GRK5: variants seen among roughly 807,000 people sequenced by gnomAD.
GRK5 encodes G protein-coupled receptor kinase 5.
In GRK5, 40 loss-of-function variants were observed where a neutral mutation model predicts 78.4. The observed-to-expected ratio is 0.51, with a 90% confidence interval of 0.40 to 0.66. The LOEUF is 0.66. GRK5 is among the 30% of genes least tolerant of loss of function. The probability of loss-of-function intolerance (pLI) is 0.00; values close to 1 mark genes in which losing one functional copy is unlikely to be tolerated. For missense variants in GRK5, 598 were observed against 759.9 expected (o/e 0.79, Z 2.50); for synonymous variants, 289 against 296.8 (o/e 0.97, Z 0.27).
intron 2 of GRK5, among the ~76,000 whole-genome samples, chr10:119,377,694 A>G (rs1202675117): frequency 6.6e-6 from 1 of 152,160 alleles, no homozygotes; most frequent in Non-Finnish European, 1.5e-5. Context: ...TACTGACAGC[A>G]AATGCCATAT....
chr10:119,409,152 T>C (rs1852292576), intron 4 of GRK5, among the ~76,000 whole-genome samples: 1 of 152,196 alleles, frequency 6.6e-6, no homozygotes, highest in Non-Finnish European at 1.5e-5. Context: ...CGGCTTCCAC[T>C]CTGCGCTGTG....
chr10:119,339,340 G>A lies in GRK5; in HGVS notation c.148+12729G>A, dbSNP rs543591558. On this transcript the variant is annotated intron_variant, in intron 2 of 15. Transcript: ENST00000392870. ...CGTTCTGCCCCATAAAGAGATGCTA[G>A]GAAAACACTTTTAATGGTCTCTGCC... is the stretch of plus-strand genomic sequence containing the variant. 2.0e-5 allele frequency among the ~76,000 whole-genome samples: 3 copies of A among 152,338 alleles called. No individual in the cohort carries two copies. In the South Asian group the frequency reaches 6.2e-4, roughly 32 times the overall value.
At chr10:119,243,833 CT>C (rs1170119006) in intron 1 of GRK5, among the ~76,000 whole-genome samples, 2 of 152,186 alleles carry the variant, frequency 1.3e-5, no homozygotes, top group Non-Finnish European at 2.9e-5. Context: ...CGAGGCACCC[CT>C]GATAGGACCT....
intron 2 of GRK5, among the ~76,000 whole-genome samples, chr10:119,354,336 A>C (rs1457925702): frequency 6.7e-6 from 1 of 149,126 alleles, no homozygotes; most frequent in East Asian, 2.0e-4. Context: ...ATATTCTCAT[A>C]GTGTACATTA....
At chr10:119,286,991 C>T (rs1849857727) in intron 1 of GRK5, among the ~76,000 whole-genome samples, 1 of 151,246 alleles carries the variant, frequency 6.6e-6, no homozygotes, top group African/African-American at 2.4e-5. Flanking sequence ...TCCCCTGTGT[C>T]TAGAACAGTG....
intron 15 of GRK5, 152 bp downstream of exon 15, chr10:119,453,428 G>A: frequency 1.2e-6 from 1 of 860,380 alleles, no homozygotes; most frequent in Non-Finnish European, 1.8e-6. Flanking sequence ...TATGTCCAAG[G>A]CCCCTGATAC....
chr10:119,443,742 T>C lies in GRK5; in HGVS notation c.1256T>C (p.Ile419Thr), dbSNP rs1223031901. 1.3e-6 allele frequency: 2 copies of C among 1,599,254 alleles called. No homozygotes were observed. The highest frequency in any genetic ancestry group is 1.7e-6 in the Non-Finnish European group (2 of 1,169,178). ...SHKFSEEAKSICKMLLTKDAK... is the reference protein window; with the variant it reads ...SHKFSEEAKSTCKMLLTKDAK... ...AAGTTCTCCGAGGAGGCCAAGTCCA[T>C]CTGCAAGATGGTGAGCTCCTGGTGG... is the stretch of plus-strand genomic sequence containing the variant. The change falls in exon 12 of 16, where the codon ATC (isoleucine) becomes ACC (threonine). Residue 419 changes from isoleucine (I) to threonine (T), a missense_variant. Physicochemically the swap from Ile to Thr is moderately conservative, Grantham distance 89 (BLOSUM62 -1). Coordinates refer to ENST00000392870, the MANE Select transcript of GRK5 (RefSeq NM_005308.3).
At chr10:119,332,816 G>GT (rs2133772156) in intron 2 of GRK5, among the ~76,000 whole-genome samples, 1 of 152,282 alleles carries the variant, frequency 6.6e-6, no homozygotes, top group South Asian at 2.1e-4. Flanking sequence ...TACCCGGAAT[G>GT]TTCTTCCTCA....
intron 1 of GRK5, among the ~76,000 whole-genome samples, chr10:119,225,705 C>T (rs1398552710): frequency 7.0e-6 from 1 of 143,268 alleles, no homozygotes; most frequent in African/African-American, 2.6e-5. Flanking sequence ...GAGTCTCGCT[C>T]TGTCACCCAG....
chr10:119,305,620 C>T (rs1028217280), intron 1 of GRK5, among the ~76,000 whole-genome samples: 1 of 152,108 alleles, frequency 6.6e-6, no homozygotes, highest in Admixed American at 6.5e-5. Flanking sequence ...AAGGACAAGA[C>T]CCTAAGACCT....
chr10:119,268,138 C>T (rs1589712553), intron 1 of GRK5, among the ~76,000 whole-genome samples: 1 of 152,326 alleles, frequency 6.6e-6, no homozygotes, highest in East Asian at 1.9e-4. Context: ...GCTCCATGCA[C>T]ACGCCTAGAT....
At position 119,345,072 on chromosome 10, in the gene GRK5, A is replaced by C. The variant is rs368908302; in HGVS notation, c.148+18461A>C. On this transcript the variant is annotated intron_variant, in intron 2 of 15. Coordinates refer to ENST00000392870, the MANE Select transcript of GRK5 (RefSeq NM_005308.3). Reference sequence around the variant, plus strand: ...CAACCTCCACCTCCTGGGTTCAAGCAATTCTCCTGCCTCAGCCTCCCGAGT... The same window carrying C: ...CAACCTCCACCTCCTGGGTTCAAGCCATTCTCCTGCCTCAGCCTCCCGAGT... Among the ~76,000 whole-genome samples the C allele has an allele frequency of 7.2e-5, 11 of 151,752 alleles. No homozygotes were observed. The East Asian group carries it at 1.4e-3, about 19-fold the overall frequency.
At chr10:119,344,398 C>T (rs1044731772) in intron 2 of GRK5, among the ~76,000 whole-genome samples, 34 of 152,138 alleles carry the variant, frequency 2.2e-4, no homozygotes, top group Non-Finnish European at 1.3e-4. Context: ...TCTCATTGTT[C>T]AATTCCCACC....
intron 11 of GRK5, 74 bp downstream of exon 11, chr10:119,442,162 C>G (rs908522993): frequency 8.2e-7 from 1 of 1,214,430 alleles, no homozygotes; most frequent in Non-Finnish European, 1.2e-6. Flanking sequence ...GCCCCCAGAG[C>G]CTGCCCGCAG....
At chr10:119,355,644 G>C (rs533549770) in intron 2 of GRK5, among the ~76,000 whole-genome samples, 1 of 152,186 alleles carries the variant, frequency 6.6e-6, no homozygotes, top group Non-Finnish European at 1.5e-5. Flanking sequence ...GCCAAGTGTG[G>C]TGGCATGCAC....
intron 4 of GRK5, among the ~76,000 whole-genome samples, chr10:119,416,244 C>T (rs1039891795): frequency 6.6e-6 from 1 of 152,242 alleles, no homozygotes; most frequent in African/African-American, 2.4e-5. Context: ...GAAATGATGT[C>T]CCTTCCTCAC....
At chr10:119,371,552 T>C (rs930453487) in intron 2 of GRK5, among the ~76,000 whole-genome samples, 1 of 152,228 alleles carries the variant, frequency 6.6e-6, no homozygotes, top group African/African-American at 2.4e-5. Context: ...ACCTCGGGCA[T>C]GTGCTGGTGG....
At position 119,267,918 on chromosome 10, in the gene GRK5, C is replaced by A. The variant is rs906424286; in HGVS notation, c.53-58598C>A. Among the ~76,000 whole-genome samples the A allele has an allele frequency of 2.6e-5, 4 of 152,086 alleles. No homozygotes were observed. The South Asian group carries it at 6.2e-4, about 24-fold the overall frequency. On this transcript the variant is annotated intron_variant, in intron 1 of 15. Coordinates refer to ENST00000392870, the MANE Select transcript of GRK5 (RefSeq NM_005308.3). The surrounding 1 kb of genome is among the most constrained non-coding windows in gnomAD (Gnocchi z 4.1). The stretch of plus-strand genomic sequence containing the variant: ...CATGCTGCCTCATAGGAAATGGGGT[C>A]CCCTGAGGAGAAGGACAAAAGCAGA...
At chr10:119,290,203 C>A (rs985472027) in intron 1 of GRK5, among the ~76,000 whole-genome samples, 1 of 151,926 alleles carries the variant, frequency 6.6e-6, no homozygotes, top group Non-Finnish European at 1.5e-5. Flanking sequence ...AAAAATTAGC[C>A]AGGCATGTTG....
Sources: gnomAD v4.1 joint callset for allele counts (sites outside exome capture counted in the v4.1 genomes callset) on GRCh38, gnomAD v4.1.1 for gene constraint, Gnocchi (gnomAD v3.1) non-coding constraint, MANE v1.5 for transcripts, NCBI Gene and HGNC (gene_info 2026-07-23, HGNC 2026-07-21) for gene names.